The following PRKN variants were observed in gnomAD, a reference collection of about 807,000 sequenced individuals.
PRKN encodes the protein parkin RBR E3 ubiquitin protein ligase.
PRKN carries 56 observed loss-of-function variants against 59.5 expected under a neutral mutation model. The ratio of observed to expected loss-of-function variants is 0.94; its 90% CI spans 0.76 to 1.18. The LOEUF is 1.18. Ranked by LOEUF, PRKN falls within the 50% of genes most tolerant of loss-of-function variation. PRKN has a pLI of 0.00. For synonymous variants in PRKN, 250 were observed against 222.1 expected (o/e 1.13, Z -1.12); for missense variants, 657 against 596.4 (o/e 1.10, Z -1.06).
intron 7 of PRKN, among the ~76,000 whole-genome samples, chr6:161,671,889 T>C (rs1784922854): frequency 6.6e-6 from 1 of 152,218 alleles, no homozygotes. Context: ...GACACATTTT[T>C]TGGTCTCAGT....
At chr6:162,381,608 C>T (rs1786486345) in intron 2 of PRKN, among the ~76,000 whole-genome samples, 1 of 152,158 alleles carries the variant, frequency 6.6e-6, no homozygotes, top group African/African-American at 2.4e-5. Flanking sequence ...TAATATTAAA[C>T]ACCACAATAC....
At chr6:161,679,880 C>A (rs1446918382) in intron 7 of PRKN, among the ~76,000 whole-genome samples, 3 of 151,498 alleles carry the variant, frequency 2.0e-5, no homozygotes, top group African/African-American at 7.3e-5. Flanking sequence ...TCAGCCCCCC[C>A]AGGAGCTGGG....
At chr6:161,418,170 T>C (rs532395905) in intron 9 of PRKN, among the ~76,000 whole-genome samples, 11 of 152,330 alleles carry the variant, frequency 7.2e-5, no homozygotes, top group African/African-American at 2.4e-4. Context: ...ATGGAGAGAT[T>C]TACTTTGGAA....
intron 2 of PRKN, among the ~76,000 whole-genome samples, chr6:162,398,570 T>C (rs936920619): frequency 6.6e-6 from 1 of 152,048 alleles, no homozygotes; most frequent in African/African-American, 2.4e-5. Context: ...TTTGTATTTT[T>C]AGTAAAGACT....
At chr6:162,234,944 G>C (rs528792020) in intron 3 of PRKN, among the ~76,000 whole-genome samples, 15 of 152,294 alleles carry the variant, frequency 9.8e-5, no homozygotes, top group African/African-American at 2.9e-4. Flanking sequence ...GTCCCTTCCA[G>C]TTCCAAGTGC....
intron 7 of PRKN, among the ~76,000 whole-genome samples, chr6:161,689,226 A>ACG (rs1785682890): frequency 6.9e-6 from 1 of 145,822 alleles, no homozygotes; most frequent in Admixed American, 6.8e-5. Context: ...ACACACACAC[A>ACG]CACACACAAA....
In PRKN at chr6:162,541,349, A is replaced by G. The variant is rs140598362; in HGVS notation, c.8-97876T>C. On this transcript the variant is annotated intron_variant, in intron 1 of 11. Coordinates refer to ENST00000366898, the MANE Select transcript of PRKN (RefSeq NM_004562.3). The stretch of plus-strand genomic sequence containing the variant: ...AAAAGTTGAGGCATGCATCATGCAG[A>G]TAACTGGGGAGAGCCATCCAGACAG... Among the ~76,000 whole-genome samples, 710 of 152,328 alleles carry G rather than the reference A, an allele frequency of 4.7e-3. 8 individuals are homozygous for G. Among genetic ancestry groups the G allele is most frequent in the African/African-American group, 0.016 (655 of 41,586 alleles).
intron 4 of PRKN, among the ~76,000 whole-genome samples, chr6:162,160,909 A>G (rs1353749667): frequency 5.3e-5 from 8 of 150,812 alleles, no homozygotes; most frequent in South Asian, 2.1e-4. Context: ...AAAAAAAAAA[A>G]AAAAAAAAGA....
chr6:162,522,400 T>C (rs949527556), intron 1 of PRKN, among the ~76,000 whole-genome samples: 6 of 152,202 alleles, frequency 3.9e-5, no homozygotes, highest in Admixed American at 3.3e-4. Flanking sequence ...CTGGGATTAG[T>C]GGCGTGAGCC....
intron 4 of PRKN, among the ~76,000 whole-genome samples, chr6:162,185,294 C>T (rs997963618): frequency 6.6e-6 from 1 of 152,070 alleles, no homozygotes; most frequent in Non-Finnish European, 1.5e-5. Flanking sequence ...TTTTTCCCCC[C>T]ACTAAATGAT....
chr6:162,512,426 AT>A (rs1000803762), intron 1 of PRKN, among the ~76,000 whole-genome samples: 2 of 152,218 alleles, frequency 1.3e-5, no homozygotes, highest in African/African-American at 4.8e-5. Context: ...AATTACCAGC[AT>A]GCAACTCACA....
chr6:161,743,491 C>T (rs1024091281), intron 7 of PRKN, among the ~76,000 whole-genome samples: 6 of 151,650 alleles, frequency 4.0e-5, no homozygotes, highest in African/African-American at 9.7e-5. Flanking sequence ...CCTTGTGATC[C>T]GCCTGCCTCG....
At chr6:161,990,940 T>C (rs1197286036) in intron 5 of PRKN, among the ~76,000 whole-genome samples, 2 of 152,164 alleles carry the variant, frequency 1.3e-5, no homozygotes, top group African/African-American at 4.8e-5. Context: ...AATGTCTTTT[T>C]CAAGGAACAT....
At chr6:161,625,802 G>C (rs182319828) in intron 7 of PRKN, among the ~76,000 whole-genome samples, 6 of 152,136 alleles carry the variant, frequency 3.9e-5, no homozygotes, top group Non-Finnish European at 7.4e-5. Context: ...TTTCTGCTCA[G>C]GCCTATTCAT....
chr6:162,684,592 A>G (rs1469458768), intron 1 of PRKN, among the ~76,000 whole-genome samples: 13 of 152,152 alleles, frequency 8.5e-5, no homozygotes, highest in Admixed American at 8.5e-4. Context: ...CTGATTGTCA[A>G]TGTTGCTGAT....
chr6:161,589,861 C>G (rs1781654042), intron 7 of PRKN, among the ~76,000 whole-genome samples: 1 of 150,298 alleles, frequency 6.7e-6, no homozygotes, highest in Non-Finnish European at 1.5e-5. Context: ...CTCACTGCAA[C>G]CTCCACCTCC....
intron 7 of PRKN, among the ~76,000 whole-genome samples, chr6:161,645,243 C>CA (rs11343414): frequency 0.023 from 3,070 of 133,914 alleles, 49 homozygotes; most frequent in African/African-American, 0.052. Flanking sequence ...AATAAATAGC[C>CA]AAAAAAAAAA....
intron 7 of PRKN, among the ~76,000 whole-genome samples, chr6:161,774,103 C>T (rs1353274609): frequency 6.6e-6 from 1 of 152,096 alleles, no homozygotes; most frequent in Non-Finnish European, 1.5e-5. Flanking sequence ...CCCTGTTGAT[C>T]CAGCTAGAAT....
chr6:162,702,134 T>A (rs945624943), intron 1 of PRKN, among the ~76,000 whole-genome samples: 6 of 151,656 alleles, frequency 4.0e-5, no homozygotes, highest in Non-Finnish European at 8.9e-5. Context: ...TTAGGAGAAA[T>A]AACTTAACCA....
Sources: gnomAD v4.1 joint callset for allele counts (sites outside exome capture counted in the v4.1 genomes callset) on GRCh38, gnomAD v4.1.1 for gene constraint, MANE v1.5 for transcripts, NCBI Gene and HGNC (gene_info 2026-07-23, HGNC 2026-07-21) for gene names.